The following RUNX2 variants were observed in gnomAD, a reference collection of about 807,000 sequenced individuals.
The protein encoded by RUNX2 is RUNX family transcription factor 2, also known as runt-related transcription factor 2.
Under a neutral mutation model 51.7 loss-of-function variants are expected in RUNX2, and 10 were observed. The observed-to-expected ratio is 0.19, with a 90% confidence interval of 0.12 to 0.33. The LOEUF (loss-of-function observed/expected upper bound fraction) is 0.33. Among genes scored for constraint, RUNX2 ranks in the 10% least tolerant of loss-of-function variants. RUNX2 has a pLI of 1.00. For synonymous variants in RUNX2, 276 were observed against 273.6 expected (o/e 1.01, Z -0.09); for missense variants, 562 against 691.3 (o/e 0.81, Z 2.10).
chr6:45,423,042 C>T, intron 3 of RUNX2, 85 bp downstream of exon 3: 2 of 1,538,294 alleles, frequency 1.3e-6, no homozygotes, highest in Non-Finnish European at 1.8e-6. Flanking sequence ...GGCTGGGCCC[C>T]GGACGTCCTC....
intron 3 of RUNX2, among the ~76,000 whole-genome samples, chr6:45,429,869 G>A (rs545213667): frequency 7.9e-5 from 12 of 152,170 alleles, no homozygotes; most frequent in Admixed American, 1.3e-4. Flanking sequence ...TGAGGCGGGC[G>A]GATCACCTGA....
intron 2 of RUNX2, among the ~76,000 whole-genome samples, chr6:45,389,178 T>G (rs1169698715): frequency 6.6e-6 from 1 of 152,280 alleles, no homozygotes; most frequent in Admixed American, 6.5e-5. Flanking sequence ...CCAGTCATAC[T>G]TAGTTCAATA....
chr6:45,544,837 G>A (rs1360615244), intron 7 of RUNX2, among the ~76,000 whole-genome samples: 1 of 152,194 alleles, frequency 6.6e-6, no homozygotes, highest in East Asian at 1.9e-4. Flanking sequence ...ATGTTATGGA[G>A]CATCTGCTCC....
chr6:45,423,785 C>G (rs1798305506), intron 3 of RUNX2, among the ~76,000 whole-genome samples: 3 of 152,274 alleles, frequency 2.0e-5, no homozygotes, highest in African/African-American at 7.2e-5. Flanking sequence ...CCGCAAGCCC[C>G]GAAGCGGGGG....
chr6:45,513,975 GT>G (rs2150422995), intron 7 of RUNX2, among the ~76,000 whole-genome samples: 1 of 152,296 alleles, frequency 6.6e-6, no homozygotes, highest in South Asian at 2.1e-4. Flanking sequence ...CTGAGAGGCT[GT>G]TTTGTTTTAC....
chr6:45,446,850 A>G (rs1294905220), intron 5 of RUNX2, among the ~76,000 whole-genome samples: 1 of 152,230 alleles, frequency 6.6e-6, no homozygotes, highest in Non-Finnish European at 1.5e-5. Context: ...GGAAATTAAG[A>G]AAAGGCATAA....
At chr6:45,477,337 T>G (rs1799985177) in intron 5 of RUNX2, among the ~76,000 whole-genome samples, 1 of 152,240 alleles carries the variant, frequency 6.6e-6, no homozygotes, top group Non-Finnish European at 1.5e-5. Flanking sequence ...CCATGACCAC[T>G]GAAAATGCAT....
intron 6 of RUNX2, among the ~76,000 whole-genome samples, chr6:45,503,794 A>T (rs185824056): frequency 6.6e-6 from 1 of 152,230 alleles, no homozygotes; most frequent in East Asian, 1.9e-4. Flanking sequence ...TTGGTGATAC[A>T]TAAGAGTGCT....
chr6:45,336,266 G>A (rs1040994440), intron 2 of RUNX2, among the ~76,000 whole-genome samples: 6 of 151,360 alleles, frequency 4.0e-5, no homozygotes, highest in African/African-American at 1.5e-4. Context: ...GTACTGTCAC[G>A]AAAGCTTTAT....
At chr6:45,400,774 C>T (rs1364301569) in intron 2 of RUNX2, among the ~76,000 whole-genome samples, 2 of 152,016 alleles carry the variant, frequency 1.3e-5, no homozygotes, top group African/African-American at 4.8e-5. Context: ...TGAGCTTTAC[C>T]GAAGGTAAAG....
chr6:45,441,863 CA>C, intron 5 of RUNX2, among the ~76,000 whole-genome samples: 1 of 152,338 alleles, frequency 6.6e-6, no homozygotes, highest in Non-Finnish European at 1.5e-5. Flanking sequence ...CCTTGCCTAT[CA>C]ACACATCTGC....
chr6:45,509,385 A>T (rs748210602), intron 6 of RUNX2, among the ~76,000 whole-genome samples: 1 of 152,200 alleles, frequency 6.6e-6, no homozygotes, highest in African/African-American at 2.4e-5. Flanking sequence ...GTACCATATT[A>T]GACATGGCCT....
intron 5 of RUNX2, among the ~76,000 whole-genome samples, chr6:45,490,049 A>T (rs1341594298): frequency 6.6e-6 from 1 of 152,194 alleles, no homozygotes; most frequent in Non-Finnish European, 1.5e-5. Context: ...TGATGAATGG[A>T]AAGCTCAGTC....
intron 7 of RUNX2, among the ~76,000 whole-genome samples, chr6:45,521,278 CAA>C (rs1235816641): frequency 6.6e-6 from 1 of 152,088 alleles, no homozygotes; most frequent in African/African-American, 2.4e-5. Flanking sequence ...AAGGGCAAAA[CAA>C]GAGAAACTTT....
chr6:45,422,455 A>T, intron 2 of RUNX2, 138 bp from the exon 3 acceptor site: 1 of 731,514 alleles, frequency 1.4e-6, no homozygotes, highest in Non-Finnish European at 2.3e-6. Context: ...TCACCTCCTC[A>T]GCCCCATCAC....
rs1173213958 is a variant in RUNX2 at position 45,548,977 on chromosome 6, CG to C, written c.*1676del. On this transcript the variant is annotated 3_prime_UTR_variant, in exon 9 of 9. Transcript: ENST00000647337. The stretch of plus-strand genomic sequence containing the variant: ...CTGAGCTGAGAGGACATATGGCCCA[CG>C]GGGACCTACAGACAGCCTTTGACAT... 2.5e-6 allele frequency: 1 copy of C among 396,730 alleles called. No homozygotes were observed. The highest frequency in any genetic ancestry group is 3.6e-5 in the East Asian group (1 of 28,022). 24.6% of individuals were successfully genotyped at this position (396,730 alleles called of 1,614,324 possible).
intron 7 of RUNX2, among the ~76,000 whole-genome samples, chr6:45,541,602 T>C (rs1391597995): frequency 6.6e-6 from 1 of 152,262 alleles, no homozygotes; most frequent in African/African-American, 2.4e-5. Context: ...TAACACCTCA[T>C]TGCTGAGAAG....
In RUNX2 at chr6:45,544,606, G is replaced by A. The variant is rs901673503; in HGVS notation, c.1022-611G>A. Among the ~76,000 whole-genome samples the A allele has an allele frequency of 3.9e-5, 6 of 152,298 alleles. No homozygotes were observed. In the East Asian group the frequency reaches 5.8e-4, roughly 15 times the overall value. Reference sequence around the variant, plus strand: ...GGGCACACGTTGGCGTTTTAAGTGCGACTTCTTTCTGATACACGCTGTTCA... The same window carrying A: ...GGGCACACGTTGGCGTTTTAAGTGCAACTTCTTTCTGATACACGCTGTTCA... On this transcript the variant is annotated intron_variant, in intron 7 of 8. Coordinates refer to ENST00000647337, the MANE Select transcript of RUNX2 (RefSeq NM_001024630.4).
At chr6:45,519,037 C>T (rs185940155) in intron 7 of RUNX2, among the ~76,000 whole-genome samples, 1 of 152,052 alleles carries the variant, frequency 6.6e-6, no homozygotes, top group Non-Finnish European at 1.5e-5. Context: ...TACTAGAAAT[C>T]GCTGAATCAT....
Sources: allele counts gnomAD v4.1 joint callset (sites outside exome capture counted in the v4.1 genomes callset), GRCh38; gene constraint gnomAD v4.1.1; transcripts MANE v1.5; gene names NCBI Gene and HGNC (gene_info 2026-07-23, HGNC 2026-07-21).